The following KDM4C variants were observed in gnomAD, a reference collection of about 807,000 sequenced individuals.
KDM4C encodes lysine demethylase 4C.
Under a neutral mutation model 129.3 loss-of-function variants are expected in KDM4C, and 81 were observed. That is an observed-to-expected ratio of 0.63 (90% CI 0.52 to 0.75). The LOEUF (loss-of-function observed/expected upper bound fraction) is 0.75, where lower values mean the gene tolerates loss of function less well. Ranked by LOEUF, KDM4C falls within the 30% of genes least tolerant of loss-of-function variation. KDM4C has a pLI of 0.00. For synonymous variants in KDM4C, 573 were observed against 456.1 expected, an observed-to-expected ratio of 1.26 and a Z score of -3.26; for missense variants, 1,457 against 1,304.0, an observed-to-expected ratio of 1.12 and a Z score of -1.81.
In KDM4C at chr9:6,960,461, G is replaced by T. The variant is rs377454732; in HGVS notation, c.922-20464G>T. On this transcript the variant is annotated intron_variant, in intron 8 of 21. Transcript: ENST00000381309. ...CACTCATCTAGGGGTCACTCTCTTT[G>T]TTTCCCAGGATGGTCTAAAACTCCT... Among the ~76,000 whole-genome samples the T allele has an allele frequency of 2.0e-4, 31 of 151,504 alleles. 1 individual carries two copies. In the East Asian group the frequency reaches 4.3e-3, roughly 21 times the overall value.
At position 6,980,990 on chromosome 9, in the gene KDM4C, C is replaced by A. The variant is rs750709787; in HGVS notation, c.987C>A (p.Asp329Glu). 4.3e-6 allele frequency: 7 copies of A among 1,613,662 alleles called. No homozygotes were observed. Among genetic ancestry groups the A allele is most frequent in the Non-Finnish European group, 4.2e-6 (5 of 1,179,820 alleles). The change falls in exon 9 of 22, where the codon GAC (aspartate) becomes GAA (glutamate). Residue 329 changes from aspartate to glutamate, a missense_variant. By Grantham distance (45) the Asp-to-Glu change is conservative. Transcript: ENST00000381309. Reference protein sequence around the residue: ...MDIFVRKFQPDRYQLWKQGKD... With the variant: ...MDIFVRKFQPERYQLWKQGKD... The stretch of plus-strand genomic sequence containing the variant: ...TCTTTGTGAGGAAATTTCAGCCAGA[C>A]AGATATCAGCTTTGGAAACAAGGAA...
chr9:6,931,878 C>T (rs1220756614), intron 8 of KDM4C, among the ~76,000 whole-genome samples: 1 of 152,164 alleles, frequency 6.6e-6, no homozygotes, highest in African/African-American at 2.4e-5. Flanking sequence ...ACTATATCAA[C>T]CTATTAGAGA....
chr9:7,057,696 T>A (rs1206043829), intron 17 of KDM4C, among the ~76,000 whole-genome samples: 2 of 152,232 alleles, frequency 1.3e-5, no homozygotes, highest in Admixed American at 1.3e-4. Flanking sequence ...CTGGGCAATT[T>A]GTAAGCAACA....
At chr9:7,063,012 T>C in intron 17 of KDM4C, among the ~76,000 whole-genome samples, 1 of 152,248 alleles carries the variant, frequency 6.6e-6, no homozygotes, top group Non-Finnish European at 1.5e-5. Context: ...AATTAAATTT[T>C]TGTATAAATA....
At chr9:7,043,575 T>C (rs1828933433) in intron 15 of KDM4C, among the ~76,000 whole-genome samples, 1 of 152,046 alleles carries the variant, frequency 6.6e-6, no homozygotes, top group Non-Finnish European at 1.5e-5. Flanking sequence ...AATGAATGAA[T>C]GGACAGGTTG....
At chr9:6,922,920 G>A (rs1158174311) in intron 8 of KDM4C, among the ~76,000 whole-genome samples, 2 of 152,182 alleles carry the variant, frequency 1.3e-5, no homozygotes, top group East Asian at 3.8e-4. Flanking sequence ...CTACAGAAAT[G>A]GATGCACATT....
chr9:6,734,872 C>A (rs1817472088), intron 1 of KDM4C: 3 of 547,022 alleles, frequency 5.5e-6, no homozygotes, highest in Admixed American at 2.0e-5. Flanking sequence ...TTTCTTGCAC[C>A]AATAAGAGAC....
At chr9:6,914,819 G>A (rs1261360422) in intron 8 of KDM4C, among the ~76,000 whole-genome samples, 1 of 152,216 alleles carries the variant, frequency 6.6e-6, no homozygotes, top group Non-Finnish European at 1.5e-5. Context: ...CAGAGCATGG[G>A]CCCTCGCCAG....
intron 19 of KDM4C, among the ~76,000 whole-genome samples, chr9:7,153,359 G>T (rs1842885737): frequency 6.6e-6 from 1 of 152,170 alleles, no homozygotes; most frequent in Admixed American, 6.5e-5. Context: ...CCCTTGAGAG[G>T]CCATTGCTAA....
intron 4 of KDM4C, among the ~76,000 whole-genome samples, chr9:6,831,093 C>G (rs1770040079): frequency 6.6e-6 from 1 of 152,178 alleles, no homozygotes; most frequent in Non-Finnish European, 1.5e-5. Flanking sequence ...GTGTCATAGA[C>G]TCTGTTATTT....
intron 17 of KDM4C, among the ~76,000 whole-genome samples, chr9:7,093,153 T>C (rs927177861): frequency 3.3e-5 from 5 of 152,000 alleles, no homozygotes; most frequent in Non-Finnish European, 7.4e-5. Flanking sequence ...ATGAAGAAAA[T>C]GTGCATGTTT....
At chr9:7,089,280 A>G (rs1052217972) in intron 17 of KDM4C, among the ~76,000 whole-genome samples, 1 of 152,024 alleles carries the variant, frequency 6.6e-6, no homozygotes, top group Non-Finnish European at 1.5e-5. Context: ...AAGTCATCAT[A>G]TGTTCCTCCA....
intron 4 of KDM4C, among the ~76,000 whole-genome samples, chr9:6,834,161 C>G (rs989121222): frequency 6.6e-6 from 1 of 150,394 alleles, no homozygotes; most frequent in Non-Finnish European, 1.5e-5. Context: ...GCCCCAGTCT[C>G]CCAAAAAGCT....
chr9:6,738,970 TCTCCCACCTCAGC>T (rs1172257756), intron 1 of KDM4C, among the ~76,000 whole-genome samples: 3 of 151,854 alleles, frequency 2.0e-5, no homozygotes, highest in African/African-American at 7.3e-5. Flanking sequence ...CTCAATTTAT[TCTCCCACCTCAGC>T]CTCCCACCTG....
upstream of KDM4C, chr9:6,757,516 G>A (rs1490810749): frequency 1.9e-5 from 11 of 576,084 alleles, no homozygotes; most frequent in Non-Finnish European, 2.2e-5. Context: ...CGGGTGAAGG[G>A]AGAACGGGAA....
At chr9:6,900,971 CT>C (rs36055201) in intron 8 of KDM4C, among the ~76,000 whole-genome samples, 28,490 of 76,822 alleles carry the variant, frequency 0.37, 5,382 homozygotes, top group African/African-American at 0.58. Context: ...CTTTAGGATT[CT>C]TTTTTTTTTT....
At chr9:7,129,150 T>C (rs920327149) in intron 19 of KDM4C, among the ~76,000 whole-genome samples, 3 of 152,154 alleles carry the variant, frequency 2.0e-5, no homozygotes, top group Non-Finnish European at 2.9e-5. Flanking sequence ...TTGCTTTTGT[T>C]TGTATTTGGA....
At chr9:6,922,850 A>G (rs187854633) in intron 8 of KDM4C, among the ~76,000 whole-genome samples, 134 of 152,380 alleles carry the variant, frequency 8.8e-4, no homozygotes, top group African/African-American at 3.1e-3. Context: ...TCAGCCAGAA[A>G]TTCAGGAAGA....
intron 17 of KDM4C, among the ~76,000 whole-genome samples, chr9:7,097,657 C>G (rs1836598255): frequency 6.6e-6 from 1 of 152,132 alleles, no homozygotes; most frequent in African/African-American, 2.4e-5. Context: ...AGGTCAGGCT[C>G]ACATGCTGCC....
Sources: gnomAD v4.1 joint callset for allele counts (sites outside exome capture counted in the v4.1 genomes callset) on GRCh38, gnomAD v4.1.1 for gene constraint, MANE v1.5 for transcripts, NCBI Gene and HGNC (gene_info 2026-07-23, HGNC 2026-07-21) for gene names.